The following CACNA1B variants were observed in gnomAD, a reference collection of about 807,000 sequenced individuals.
The protein encoded by CACNA1B is calcium voltage-gated channel subunit alpha1 B, also known as voltage-dependent N-type calcium channel subunit alpha-1B.
A neutral mutation model predicts 247.2 loss-of-function variants in CACNA1B; 70 were observed. The ratio of observed to expected loss-of-function variants is 0.28; its 90% confidence interval spans 0.23 to 0.35. The LOEUF (loss-of-function observed/expected upper bound fraction) is 0.35. Among genes scored for constraint, CACNA1B ranks in the 10% least tolerant of loss-of-function variants. The pLI is 1.00. For synonymous variants in CACNA1B, 1,231 were observed against 1,294.4 expected (o/e 0.95, Z 1.05); for missense variants, 2,367 against 3,197.4 (o/e 0.74, Z 6.26).
intron 3 of CACNA1B, among the ~76,000 whole-genome samples, chr9:137,896,005 C>A (rs1409214224): frequency 2.0e-5 from 3 of 152,032 alleles, no homozygotes; most frequent in African/African-American, 7.2e-5. Flanking sequence ...TTTGGGAGGC[C>A]AAGACAGGCA....
chr9:138,120,179 C>A lies in CACNA1B; in HGVS notation c.6045C>A (p.Ala2015=). 6.2e-7 allele frequency: 1 copy of A among 1,604,640 alleles called. No individual in the cohort carries two copies. Residue 2015 remains alanine (A), a synonymous_variant, in exon 45 of 47, where the codon GCC becomes GCA. Transcript: ENST00000371372. ...LAAETQPVTD[A]SPMKRSISTL... ...TTTGCCCACAGCCCGTCACAGATGC[C>A]AGCCCCATGAAGCGCTCCATCTCCA... is the stretch of plus-strand genomic sequence containing the variant.
chr9:138,094,457 A>AAAAAAAAAAAAAAAAAAAAAAAG (rs752912258), intron 36 of CACNA1B, among the ~76,000 whole-genome samples: 90 of 134,722 alleles, frequency 6.7e-4, no homozygotes, highest in Non-Finnish European at 1.2e-3. Flanking sequence ...AAAAAAAAAA[A>AAAAAAAAAAAAAAAAAAAAAAAG]AAGAAGAAGA....
Position 138,112,427 on chromosome 9 carries a change from G to C in CACNA1B, c.5458G>C (p.Glu1820Gln). ...AGTKQHQCDA[E>Q]LRKEISVVWA... ...GACAAAGCAGCATCAGTGTGACGCG[G>C]AGTTGAGGAAGGAGATTTCCGTTGT... is the stretch of plus-strand genomic sequence containing the variant. The change falls in exon 40 of 47, where the codon GAG becomes CAG. Residue 1820 changes from glutamate (E) to glutamine (Q), a missense_variant. Glu to Gln is a conservative substitution (Grantham distance 29). Coordinates refer to ENST00000371372, the MANE Select transcript of CACNA1B (RefSeq NM_000718.4). The C allele has an allele frequency of 1.2e-6, 2 of 1,613,740 alleles. No individual in the cohort carries two copies. The highest frequency in any genetic ancestry group is 1.7e-6 in the Non-Finnish European group (2 of 1,179,612).
At chr9:138,080,562 C>G (rs1381887705) in intron 36 of CACNA1B, among the ~76,000 whole-genome samples, 1 of 152,054 alleles carries the variant, frequency 6.6e-6, no homozygotes, top group Non-Finnish European at 1.5e-5. Flanking sequence ...AGGGAGAGGG[C>G]AGGCAGCGGT....
rs914646385 is a variant in CACNA1B, at chr9:138,014,807, G to A, written c.2267+1572G>A. ...TGCCTCCTCCTGGGGGTATGGGAGGGTGTCCACTCCCATCTGGCCTGAGAC... is the reference window on the plus strand; with the variant it reads ...TGCCTCCTCCTGGGGGTATGGGAGGATGTCCACTCCCATCTGGCCTGAGAC... On this transcript the variant is annotated intron_variant, in intron 18 of 46. Transcript: ENST00000371372. The surrounding 1 kb of genome is among the most constrained non-coding windows in gnomAD (Gnocchi z 6.2). Among the ~76,000 whole-genome samples, 1 of 151,968 alleles carries A rather than the reference G, an allele frequency of 6.6e-6. No individual in the cohort carries two copies. Among genetic ancestry groups the A allele is most frequent in the Non-Finnish European group, 1.5e-5 (1 of 67,972 alleles).
Position 138,057,673 on chromosome 9 carries a change from G to C in CACNA1B, c.3969-59G>C. On this transcript the variant is annotated intron_variant, in intron 26 of 46. Transcript: ENST00000371372. The surrounding 1 kb of genome is among the most constrained non-coding windows in gnomAD (Gnocchi z 4.0). ...CGGAATGGTTTCAACACTCTTGATA[G>C]GTGGGTTTATTTGGATCTTTTGTCT... 1.3e-6 allele frequency: 2 copies of C among 1,536,640 alleles called. No homozygotes were observed. The highest frequency in any genetic ancestry group is 1.8e-6 in the Non-Finnish European group (2 of 1,124,730).
At chr9:137,989,605 G>C (rs1370883652) in intron 15 of CACNA1B, among the ~76,000 whole-genome samples, 1 of 152,142 alleles carries the variant, frequency 6.6e-6, no homozygotes, top group Non-Finnish European at 1.5e-5. Flanking sequence ...GATGGCCAAC[G>C]TCTTAGGAGC....
chr9:138,081,141 C>G (rs1220618850), intron 36 of CACNA1B, among the ~76,000 whole-genome samples: 1 of 152,180 alleles, frequency 6.6e-6, no homozygotes, highest in Non-Finnish European at 1.5e-5. Context: ...ACCTACTAGC[C>G]TGACCTTACC....
rs778130254 is a variant in CACNA1B, at chr9:138,047,058, C to T, written c.3543+25C>T. ...CGTGAGTGGCCCGGATGGCCGGGTC[C>T]CCGCCAGGCTGTGGCGGGGGAGCTG... On this transcript the variant is annotated intron_variant, in intron 22 of 46. Coordinates refer to ENST00000371372, the MANE Select transcript of CACNA1B (RefSeq NM_000718.4). 1.2e-5 allele frequency: 19 copies of T among 1,590,372 alleles called. No individual in the cohort carries two copies. In the Admixed American group the frequency reaches 3.3e-4, roughly 27 times the overall value.
At chr9:137,942,819 GAAAGGGTGGGGTGAGAGAT>G (rs1345555995) in intron 6 of CACNA1B, among the ~76,000 whole-genome samples, 10 of 152,230 alleles carry the variant, frequency 6.6e-5, no homozygotes, top group Non-Finnish European at 1.5e-4. Flanking sequence ...GACTCAGGAA[GAAAGGGTGGGGTGAGAGAT>G]AAAAGACTAC....
chr9:138,077,327 T>TCCAGGGTGGCTGC (rs1480337644), intron 35 of CACNA1B, among the ~76,000 whole-genome samples: 1 of 152,124 alleles, frequency 6.6e-6, no homozygotes, highest in Non-Finnish European at 1.5e-5. Context: ...TGCAGGAGCA[T>TCCAGGGTGGCTGC]CCAGGGTGGC....
intron 20 of CACNA1B, among the ~76,000 whole-genome samples, chr9:138,028,732 C>T (rs1351207795): frequency 6.6e-6 from 1 of 152,170 alleles, no homozygotes; most frequent in Non-Finnish European, 1.5e-5. Context: ...TAATCAAGTC[C>T]CTTTATGCAA....
intron 6 of CACNA1B, among the ~76,000 whole-genome samples, chr9:137,948,045 A>G (rs1957818179): frequency 6.7e-6 from 1 of 148,570 alleles, no homozygotes; most frequent in Non-Finnish European, 1.5e-5. Flanking sequence ...CAGTGGCACA[A>G]TCTCGGCTCA....
intron 18 of CACNA1B, among the ~76,000 whole-genome samples, chr9:138,021,225 G>A (rs1958841276): frequency 6.6e-6 from 1 of 152,188 alleles, no homozygotes; most frequent in Admixed American, 6.5e-5. Context: ...GGGCAGCACA[G>A]TTTAAATGCA....
intron 3 of CACNA1B, among the ~76,000 whole-genome samples, chr9:137,906,144 G>A (rs1009534902): frequency 6.6e-6 from 1 of 152,142 alleles, no homozygotes; most frequent in Non-Finnish European, 1.5e-5. Flanking sequence ...GTCCAGCCTG[G>A]GTCTACACAA....
chr9:138,050,838 A>C lies in CACNA1B; in HGVS notation c.3711-1254A>C, dbSNP rs1959249309. ...GGAGACAGGAGGCTGGGTTCTTCCCACCTGGAAGCGTTTCAGGGGGAGTTT... is the reference window on the plus strand; with the variant it reads ...GGAGACAGGAGGCTGGGTTCTTCCCCCCTGGAAGCGTTTCAGGGGGAGTTT... On this transcript the variant is annotated intron_variant, in intron 24 of 46. Coordinates refer to ENST00000371372, the MANE Select transcript of CACNA1B (RefSeq NM_000718.4). This position sits in a 1 kb window ranked among gnomAD's most constrained non-coding sequence, Gnocchi z 5.2. Among the ~76,000 whole-genome samples the C allele has an allele frequency of 6.6e-6, 1 of 152,092 alleles. No homozygotes were observed. Among genetic ancestry groups the C allele is most frequent in the Non-Finnish European group, 1.5e-5 (1 of 67,996 alleles).
intron 21 of CACNA1B, among the ~76,000 whole-genome samples, chr9:138,046,663 A>C (rs1414308815): frequency 6.6e-6 from 1 of 152,224 alleles, no homozygotes; most frequent in East Asian, 1.9e-4. Flanking sequence ...GACCCCTGCC[A>C]TGAGGTTCTG....
chr9:137,936,694 A>G (rs1208830390), intron 6 of CACNA1B, among the ~76,000 whole-genome samples: 2 of 152,214 alleles, frequency 1.3e-5, no homozygotes, highest in Non-Finnish European at 2.9e-5. Context: ...AGCTTTCTAT[A>G]TATGGCTAGC....
intron 36 of CACNA1B, among the ~76,000 whole-genome samples, chr9:138,079,569 C>T (rs1422820632): frequency 6.6e-6 from 1 of 151,876 alleles, no homozygotes; most frequent in Non-Finnish European, 1.5e-5. Flanking sequence ...GTGGTGAAAC[C>T]CCATCTCTAC....
Sources: gnomAD v4.1 joint callset for allele counts (sites outside exome capture counted in the v4.1 genomes callset) on GRCh38, gnomAD v4.1.1 for gene constraint, Gnocchi (gnomAD v3.1) non-coding constraint, MANE v1.5 for transcripts, NCBI Gene and HGNC (gene_info 2026-07-23, HGNC 2026-07-21) for gene names.